Variants in EXT1 observed in about 807,000 individuals in gnomAD.
EXT1 encodes the protein exostosin-1.
In EXT1, 20 loss-of-function variants were observed where a neutral mutation model predicts 82.5. The observed-to-expected ratio is 0.24, with a 90% CI of 0.17 to 0.35. EXT1 has a LOEUF of 0.35. EXT1 is among the 10% of genes least tolerant of loss of function. The pLI, the probability that EXT1 is intolerant of heterozygous loss-of-function variation, is 1.00. For missense variants in EXT1, 757 were observed against 936.5 expected, an observed-to-expected ratio of 0.81 and a Z score of 2.50; for synonymous variants, 348 against 350.8, an observed-to-expected ratio of 0.99 and a Z score of 0.09.
intron 1 of EXT1, among the ~76,000 whole-genome samples, chr8:117,881,975 G>A (rs1036464456): frequency 2.0e-5 from 3 of 152,122 alleles, no homozygotes; most frequent in South Asian, 2.1e-4. Context: ...GAAATACTAC[G>A]AAAAAGTCAA....
chr8:117,944,506 T>G (rs73323925), intron 1 of EXT1, among the ~76,000 whole-genome samples: 8,717 of 152,298 alleles, frequency 0.057, 872 homozygotes, highest in African/African-American at 0.2. Context: ...TAGAGCTGTT[T>G]ATTTAGTATT....
At chr8:117,809,213 GTATAAA>G (rs1488836550) in intron 8 of EXT1, among the ~76,000 whole-genome samples, 5 of 68,162 alleles carry the variant, frequency 7.3e-5, no homozygotes, top group Non-Finnish European at 1.6e-4. Flanking sequence ...GTGTGTGTGT[GTATAAA>G]TATATATATA....
chr8:118,088,787 C>T (rs1817473177), intron 1 of EXT1, among the ~76,000 whole-genome samples: 1 of 151,796 alleles, frequency 6.6e-6, no homozygotes, highest in African/African-American at 2.4e-5. Context: ...ATTATCTGGC[C>T]AGTTATGAGC....
At chr8:117,943,561 T>C (rs1814328709) in intron 1 of EXT1, among the ~76,000 whole-genome samples, 1 of 152,232 alleles carries the variant, frequency 6.6e-6, no homozygotes, top group South Asian at 2.1e-4. Context: ...GAGGCAGTGA[T>C]GATATTCCTG....
chr8:117,984,957 C>T (rs572191144), intron 1 of EXT1, among the ~76,000 whole-genome samples: 1 of 152,130 alleles, frequency 6.6e-6, no homozygotes, highest in Non-Finnish European at 1.5e-5. Context: ...ACGCTACGGA[C>T]GGGCAGGCAT....
At chr8:118,067,830 C>G (rs1817018737) in intron 1 of EXT1, among the ~76,000 whole-genome samples, 2 of 152,152 alleles carry the variant, frequency 1.3e-5, no homozygotes, top group South Asian at 4.1e-4. Flanking sequence ...GATTCATAAG[C>G]CCCATGCTGT....
chr8:117,800,084 C>G (rs1466149042), intron 10 of EXT1, among the ~76,000 whole-genome samples, 187 bp from the exon 11 acceptor site: 10 of 152,150 alleles, frequency 6.6e-5, no homozygotes, highest in Non-Finnish European at 1.0e-4. Flanking sequence ...CCAAGGTATG[C>G]TACGTTCCTC....
At chr8:118,095,756 T>C (rs977978682) in intron 1 of EXT1, among the ~76,000 whole-genome samples, 11 of 152,370 alleles carry the variant, frequency 7.2e-5, no homozygotes, top group African/African-American at 1.9e-4. Flanking sequence ...TGTCATATGA[T>C]TGTCACCAAA....
At chr8:117,837,703 A>T (rs1460759553) in intron 1 of EXT1, among the ~76,000 whole-genome samples, 1 of 152,196 alleles carries the variant, frequency 6.6e-6, no homozygotes, top group Non-Finnish European at 1.5e-5. Flanking sequence ...TTCTCTTTCA[A>T]GATGGAGTTT....
intron 1 of EXT1, among the ~76,000 whole-genome samples, chr8:117,999,737 T>C (rs879400030): frequency 3.3e-5 from 5 of 152,114 alleles, no homozygotes; most frequent in Non-Finnish European, 5.9e-5. Context: ...ATTGTTTTCT[T>C]CCTCCTGCCT....
At chr8:117,911,496 G>A (rs1046649618) in intron 1 of EXT1, among the ~76,000 whole-genome samples, 3 of 152,164 alleles carry the variant, frequency 2.0e-5, no homozygotes, top group Non-Finnish European at 4.4e-5. Flanking sequence ...ACAAAAGTCA[G>A]CAACCAACAT....
At chr8:117,860,704 T>C (rs774255380) in intron 1 of EXT1, among the ~76,000 whole-genome samples, 15 of 152,226 alleles carry the variant, frequency 9.9e-5, no homozygotes, top group Non-Finnish European at 1.5e-5. Flanking sequence ...TCATGAGATT[T>C]CATGCCAAAA....
At chr8:117,809,243 A>ATT (rs1823283549) in intron 8 of EXT1, among the ~76,000 whole-genome samples, 1 of 117,100 alleles carries the variant, frequency 8.5e-6, no homozygotes, top group Non-Finnish European at 1.9e-5. Flanking sequence ...ATATATATAT[A>ATT]TTATGTTCTA....
At chr8:117,832,987 C>T (rs1259805433) in intron 3 of EXT1, among the ~76,000 whole-genome samples, 2 of 152,132 alleles carry the variant, frequency 1.3e-5, no homozygotes, top group Non-Finnish European at 2.9e-5. Flanking sequence ...AAGAAAGTCA[C>T]ATTAAGCTCT....
In EXT1 at chr8:118,037,622, G is replaced by A. The variant is rs536745659; in HGVS notation, c.962+72463C>T. ...TGATGTGTCTGCTTCCAGGCAGCAG[G>A]AACATATACTATAGAGTATGCTTTA... On this transcript the variant is annotated intron_variant, in intron 1 of 10. Transcript: ENST00000378204. Among the ~76,000 whole-genome samples the A allele has an allele frequency of 1.9e-4, 29 of 152,152 alleles. No individual in the cohort carries two copies. In the South Asian group the frequency reaches 5.4e-3, roughly 28 times the overall value.
chr8:118,003,122 G>A (rs1216310070), intron 1 of EXT1, among the ~76,000 whole-genome samples: 1 of 152,024 alleles, frequency 6.6e-6, no homozygotes, highest in Non-Finnish European at 1.5e-5. Context: ...GAAATTGGAG[G>A]ACATTATTCT....
chr8:117,982,882 G>C (rs1815237669), intron 1 of EXT1, among the ~76,000 whole-genome samples: 1 of 152,134 alleles, frequency 6.6e-6, no homozygotes, highest in South Asian at 2.1e-4. Context: ...ACCATGATAT[G>C]AAAATCTTAG....
intron 1 of EXT1, among the ~76,000 whole-genome samples, chr8:118,101,777 C>G (rs1817722639): frequency 1.3e-5 from 2 of 152,184 alleles, no homozygotes; most frequent in South Asian, 4.1e-4. Flanking sequence ...TTAATGATGG[C>G]TACTTCACTA....
intron 1 of EXT1, among the ~76,000 whole-genome samples, chr8:117,957,685 A>T (rs185614915): frequency 6.6e-6 from 1 of 152,374 alleles, no homozygotes; most frequent in East Asian, 1.9e-4. Flanking sequence ...CACACCCAGC[A>T]CAATCATTTG....
Sources: allele counts gnomAD v4.1 joint callset (sites outside exome capture counted in the v4.1 genomes callset), GRCh38; gene constraint gnomAD v4.1.1; transcripts MANE v1.5; gene names NCBI Gene and HGNC (gene_info 2026-07-23, HGNC 2026-07-21).